ALK: variants seen among roughly 807,000 people sequenced by gnomAD.
The protein encoded by ALK is ALK tyrosine kinase receptor.
Under a neutral mutation model 163.1 loss-of-function variants are expected in ALK, and 74 were observed. The observed-to-expected ratio is 0.45, with a 90% CI of 0.38 to 0.55. The LOEUF is 0.55. Ranked by LOEUF, ALK falls within the 20% of genes least tolerant of loss-of-function variation. The probability of loss-of-function intolerance (pLI) is 0.00; values close to 1 mark genes in which losing one functional copy is unlikely to be tolerated. For synonymous variants in ALK, 960 were observed against 843.2 expected (o/e 1.14, Z -2.40); for missense variants, 2,063 against 2,105.3 (o/e 0.98, Z 0.39).
At chr2:29,399,639 C>T (rs1669394595) in intron 4 of ALK, among the ~76,000 whole-genome samples, 1 of 152,200 alleles carries the variant, frequency 6.6e-6, no homozygotes, top group Non-Finnish European at 1.5e-5. Flanking sequence ...TGCCTCAGAG[C>T]ATGGGGCTTG....
intron 3 of ALK, among the ~76,000 whole-genome samples, chr2:29,569,972 A>C (rs914846542): frequency 6.6e-6 from 1 of 152,206 alleles, no homozygotes; most frequent in Admixed American, 6.5e-5. Flanking sequence ...ACACCCTAGT[A>C]GGATAAGAAA....
chr2:29,223,178 A>C (rs1023481586), intron 20 of ALK, among the ~76,000 whole-genome samples, 164 bp downstream of exon 20: 3 of 152,138 alleles, frequency 2.0e-5, no homozygotes, highest in African/African-American at 7.2e-5. Flanking sequence ...GTAAGCCAAC[A>C]TACATGGCCC....
intron 1 of ALK, among the ~76,000 whole-genome samples, chr2:29,795,336 T>C (rs772609870): frequency 1.3e-5 from 2 of 152,186 alleles, no homozygotes; most frequent in Non-Finnish European, 2.9e-5. Flanking sequence ...AAGTGTTGCG[T>C]GAGATAAGCA....
chr2:29,361,161 G>C (rs917270009), intron 5 of ALK, among the ~76,000 whole-genome samples: 1 of 152,216 alleles, frequency 6.6e-6, no homozygotes, highest in South Asian at 2.1e-4. Context: ...TGACTGGCAA[G>C]ACAGGTCCCT....
At chr2:29,909,567 A>C (rs2148436657) in intron 1 of ALK, among the ~76,000 whole-genome samples, 1 of 152,198 alleles carries the variant, frequency 6.6e-6, no homozygotes, top group African/African-American at 2.4e-5. Context: ...TTGGCTAAAT[A>C]TTAAGTTGTG....
chr2:29,597,358 T>G (rs2148211838), intron 3 of ALK, among the ~76,000 whole-genome samples: 1 of 152,224 alleles, frequency 6.6e-6, no homozygotes, highest in African/African-American at 2.4e-5. Context: ...ACCCATCATA[T>G]CTGTTGTGCT....
chr2:29,549,799 T>C (rs1311227097), intron 3 of ALK, among the ~76,000 whole-genome samples: 1 of 152,208 alleles, frequency 6.6e-6, no homozygotes, highest in East Asian at 1.9e-4. Context: ...AATTTTTATA[T>C]TGAGTACAAG....
intron 4 of ALK, among the ~76,000 whole-genome samples, chr2:29,449,472 T>C (rs1475139110): frequency 2.0e-5 from 3 of 152,220 alleles, no homozygotes; most frequent in Non-Finnish European, 4.4e-5. Flanking sequence ...GAGACTTGCA[T>C]GTTGGTGTCT....
intron 4 of ALK, among the ~76,000 whole-genome samples, chr2:29,464,349 C>T (rs1671155330): frequency 6.6e-6 from 1 of 152,108 alleles, no homozygotes; most frequent in African/African-American, 2.4e-5. Flanking sequence ...CCATAAAGAA[C>T]TGGAGTATAA....
At chr2:29,778,883 C>G (rs982267541) in intron 1 of ALK, among the ~76,000 whole-genome samples, 1 of 151,954 alleles carries the variant, frequency 6.6e-6, no homozygotes, top group South Asian at 2.1e-4. Context: ...AGGCCGGGTG[C>G]GGTGGCTCAC....
rs117016314 is a variant in ALK at position 29,753,595 on chromosome 2, G to C, written c.668-35898C>G. On this transcript the variant is annotated intron_variant, in intron 1 of 28. Coordinates refer to ENST00000389048, the MANE Select transcript of ALK (RefSeq NM_004304.5). ...AAACAATAAAAGCTAGGGAGTTGGAGGGATTAAGGAGGGAAAAAATCAATT... is the reference window on the plus strand; with the variant it reads ...AAACAATAAAAGCTAGGGAGTTGGACGGATTAAGGAGGGAAAAAATCAATT... 6.2e-4 allele frequency among the ~76,000 whole-genome samples: 94 copies of C among 152,296 alleles called. 1 individual carries two copies. The East Asian group carries it at 0.017, about 27-fold the overall frequency.
chr2:29,844,928 A>G (rs1665803087), intron 1 of ALK, among the ~76,000 whole-genome samples: 1 of 151,950 alleles, frequency 6.6e-6, no homozygotes, highest in Admixed American at 6.6e-5. Context: ...CTCATCCTAC[A>G]GAAAGGCTCC....
At chr2:29,419,726 T>C (rs1184665405) in intron 4 of ALK, among the ~76,000 whole-genome samples, 2 of 151,482 alleles carry the variant, frequency 1.3e-5, no homozygotes, top group Admixed American at 6.6e-5. Flanking sequence ...AAATAGTCCA[T>C]AGGAAAAATA....
At chr2:29,440,475 C>T (rs906669834) in intron 4 of ALK, among the ~76,000 whole-genome samples, 1 of 152,028 alleles carries the variant, frequency 6.6e-6, no homozygotes, top group South Asian at 2.1e-4. Flanking sequence ...TGCCACCACA[C>T]CCAGCTAATT....
chr2:29,706,159 G>T (rs970658272), intron 2 of ALK, among the ~76,000 whole-genome samples: 4 of 152,162 alleles, frequency 2.6e-5, no homozygotes, highest in African/African-American at 9.7e-5. Flanking sequence ...ATGATTCTCA[G>T]GTCTCTTCCA....
chr2:29,835,280 T>C (rs1052500697), intron 1 of ALK, among the ~76,000 whole-genome samples: 6 of 152,148 alleles, frequency 3.9e-5, no homozygotes, highest in Admixed American at 6.5e-5. Flanking sequence ...ATTATAGGGA[T>C]ATATTGACAG....
chr2:29,385,018 C>T (rs1344357163), intron 4 of ALK, among the ~76,000 whole-genome samples: 2 of 151,788 alleles, frequency 1.3e-5, no homozygotes, highest in Non-Finnish European at 2.9e-5. Flanking sequence ...CACTGCATTC[C>T]AGCCTGGCGA....
intron 5 of ALK, among the ~76,000 whole-genome samples, chr2:29,377,953 T>A (rs559922429): frequency 6.6e-6 from 1 of 152,320 alleles, no homozygotes; most frequent in Admixed American, 6.5e-5. Context: ...ACCAAGAAGA[T>A]TACTTCTTTT....
intron 5 of ALK, among the ~76,000 whole-genome samples, chr2:29,346,670 G>A (rs1573262514): frequency 1.3e-5 from 2 of 152,192 alleles, no homozygotes; most frequent in Admixed American, 1.3e-4. Context: ...TTTATGTCCC[G>A]TCTTATGCCA....
Sources: gnomAD v4.1 joint callset for allele counts (sites outside exome capture counted in the v4.1 genomes callset) on GRCh38, gnomAD v4.1.1 for gene constraint, MANE v1.5 for transcripts, NCBI Gene and HGNC (gene_info 2026-07-23, HGNC 2026-07-21) for gene names.